Variants in PIK3C2G observed in about 807,000 individuals in gnomAD.
PIK3C2G encodes phosphatidylinositol 3-kinase C2 domain-containing subunit gamma.
PIK3C2G carries 168 observed loss-of-function variants against 181.1 expected under a neutral mutation model. The observed-to-expected ratio is 0.93, with a 90% CI of 0.82 to 1.05. PIK3C2G has a LOEUF of 1.05. PIK3C2G is among the 50% of genes least tolerant of loss of function. The probability of loss-of-function intolerance (pLI) is 0.00; values close to 1 mark genes in which losing one functional copy is unlikely to be tolerated. For synonymous variants in PIK3C2G, 573 were observed against 592.2 expected (o/e 0.97, Z 0.47); for missense variants, 1,869 against 1,732.8 (o/e 1.08, Z -1.40).
intron 16 of PIK3C2G, among the ~76,000 whole-genome samples, chr12:18,404,872 G>T (rs1944432431): frequency 6.6e-6 from 1 of 151,798 alleles, no homozygotes; most frequent in Non-Finnish European, 1.5e-5. Context: ...AGAACAGATT[G>T]AAAAAAGAAG....
chr12:18,364,260 C>T (rs1288909530), intron 12 of PIK3C2G, among the ~76,000 whole-genome samples: 2 of 152,208 alleles, frequency 1.3e-5, no homozygotes, highest in African/African-American at 2.4e-5. Flanking sequence ...AGAAGTCAGG[C>T]CTCTGCCAGG....
intron 5 of PIK3C2G, among the ~76,000 whole-genome samples, chr12:18,307,325 G>T (rs1176657233): frequency 6.6e-6 from 1 of 151,492 alleles, no homozygotes; most frequent in Non-Finnish European, 1.5e-5. Context: ...TATGTGTAGA[G>T]AGAATAAATA....
In PIK3C2G at chr12:18,375,472, G is replaced by T. The variant is rs150456318; in HGVS notation, c.1880+4161G>T. The stretch of plus-strand genomic sequence containing the variant: ...GCTAACAGCCTCATCTCAGATTCAG[G>T]AGTGAAGAAATGACTTAAAATTGGA... On this transcript the variant is annotated intron_variant, in intron 13 of 32. Coordinates refer to ENST00000538779, the MANE Select transcript of PIK3C2G (RefSeq NM_001288772.2). Among the ~76,000 whole-genome samples, 550 of 152,298 alleles carry T rather than the reference G, an allele frequency of 3.6e-3. 3 individuals are homozygous for T. The highest frequency in any genetic ancestry group is 0.012 in the African/African-American group (519 of 41,556).
the PIK3C2G span, among the ~76,000 whole-genome samples, chr12:18,663,182 G>A: frequency 6.6e-6 from 1 of 151,984 alleles, no homozygotes; most frequent in Non-Finnish European, 1.5e-5. Flanking sequence ...GGGTGAACAG[G>A]TTCATCACTT....
upstream of PIK3C2G, among the ~76,000 whole-genome samples, chr12:18,256,808 T>A (rs1207174977): frequency 6.6e-6 from 1 of 152,126 alleles, no homozygotes; most frequent in Non-Finnish European, 1.5e-5. Flanking sequence ...GACCAAAGCT[T>A]CATTTTTTTT....
intron 18 of PIK3C2G, among the ~76,000 whole-genome samples, chr12:18,442,807 T>G (rs957244863): frequency 6.6e-6 from 1 of 152,176 alleles, no homozygotes; most frequent in Non-Finnish European, 1.5e-5. Flanking sequence ...GCATACATTT[T>G]TATATAGACT....
intron 8 of PIK3C2G, among the ~76,000 whole-genome samples, chr12:18,335,512 C>G (rs182874281): frequency 3.2e-4 from 48 of 151,946 alleles, no homozygotes; most frequent in African/African-American, 1.1e-3. Context: ...TTTTCTCAGT[C>G]CAACAGTTGC....
intron 14 of PIK3C2G, among the ~76,000 whole-genome samples, chr12:18,386,115 C>T (rs1943152612): frequency 6.6e-6 from 1 of 152,130 alleles, no homozygotes; most frequent in Admixed American, 6.5e-5. Context: ...TTTGGTGTTA[C>T]TGCCCTCGGT....
chr12:18,423,443 C>G (rs1429751081), intron 17 of PIK3C2G, among the ~76,000 whole-genome samples: 1 of 151,994 alleles, frequency 6.6e-6, no homozygotes, highest in Non-Finnish European at 1.5e-5. Context: ...GAGTTGTTCA[C>G]AGTGGAGATG....
chr12:18,339,792 A>G (rs1938949738), intron 9 of PIK3C2G, among the ~76,000 whole-genome samples: 1 of 152,170 alleles, frequency 6.6e-6, no homozygotes, highest in Non-Finnish European at 1.5e-5. Flanking sequence ...AAATTTAAAT[A>G]CGTTCTTTAC....
the PIK3C2G span, among the ~76,000 whole-genome samples, chr12:18,702,540 C>T: frequency 2.6e-5 from 4 of 152,134 alleles, no homozygotes; most frequent in Non-Finnish European, 4.4e-5. Flanking sequence ...CTTTTGTCAT[C>T]CTCAGGCATC....
intron 1 of PIK3C2G, among the ~76,000 whole-genome samples, chr12:18,262,614 CAA>C (rs778968769): frequency 1.9e-3 from 178 of 95,150 alleles, no homozygotes; most frequent in Non-Finnish European, 3.0e-3. Context: ...AGTGAGCTGA[CAA>C]AAAAAAAAAA....
At chr12:18,384,085 G>A (rs572846980) in intron 14 of PIK3C2G, among the ~76,000 whole-genome samples, 46 of 151,224 alleles carry the variant, frequency 3.0e-4, no homozygotes, top group Non-Finnish European at 5.2e-4. Flanking sequence ...GCATCCCAAC[G>A]AGCTGGGATT....
At chr12:18,688,307 G>T in the PIK3C2G span, 2 of 1,363,488 alleles carry the variant, frequency 1.5e-6, no homozygotes, top group African/African-American at 1.5e-5. Flanking sequence ...ATTACAAAAA[G>T]TTGATGGACT....
At chr12:18,577,126 G>A (rs1289055923) in intron 29 of PIK3C2G, among the ~76,000 whole-genome samples, 2 of 152,182 alleles carry the variant, frequency 1.3e-5, no homozygotes, top group African/African-American at 2.4e-5. Flanking sequence ...ACTCCTAAAT[G>A]TATCTGCTAT....
At chr12:18,540,586 T>C (rs939699987) in intron 25 of PIK3C2G, among the ~76,000 whole-genome samples, 18 of 151,914 alleles carry the variant, frequency 1.2e-4, no homozygotes, top group African/African-American at 3.9e-4. Flanking sequence ...AGTGGTATTT[T>C]ATTTAAAAGA....
At chr12:18,610,197 T>C (rs758458782) in intron 31 of PIK3C2G, among the ~76,000 whole-genome samples, 9 of 152,044 alleles carry the variant, frequency 5.9e-5, no homozygotes, top group Middle Eastern at 3.4e-3. Context: ...ATGACCCGAG[T>C]TGGGGTGCAG....
intron 19 of PIK3C2G, 82 bp from the exon 20 acceptor site, chr12:18,491,369 T>C (rs1940552484): frequency 4.1e-6 from 3 of 735,994 alleles, no homozygotes; most frequent in African/African-American, 1.8e-5. Context: ...ATTCATTTAA[T>C]CAATAGAAGA....
intron 18 of PIK3C2G, among the ~76,000 whole-genome samples, chr12:18,477,097 C>G (rs753140242): frequency 6.6e-6 from 1 of 152,154 alleles, no homozygotes; most frequent in East Asian, 1.9e-4. Context: ...TCTCTGTGTG[C>G]GTGTGCTCTC....
Sources: allele counts gnomAD v4.1 joint callset (sites outside exome capture counted in the v4.1 genomes callset), GRCh38; gene constraint gnomAD v4.1.1; transcripts MANE v1.5; gene names NCBI Gene and HGNC (gene_info 2026-07-23, HGNC 2026-07-21).